Variants in KAZN observed in about 807,000 individuals in gnomAD.
KAZN encodes the protein kazrin, periplakin interacting protein.
KAZN carries 40 observed loss-of-function variants against 87.4 expected under a neutral mutation model. The observed-to-expected ratio is 0.46, with a 90% CI of 0.36 to 0.60. The LOEUF (loss-of-function observed/expected upper bound fraction) is 0.60. KAZN is among the 20% of genes least tolerant of loss of function. KAZN has a pLI of 0.00. For missense variants in KAZN, 898 were observed against 1,073.9 expected, an observed-to-expected ratio of 0.84 and a Z score of 2.29; for synonymous variants, 466 against 458.3, an observed-to-expected ratio of 1.02 and a Z score of -0.22.
intron 1 of KAZN, among the ~76,000 whole-genome samples, chr1:14,163,753 C>T (rs571298145): frequency 7.5e-4 from 115 of 152,340 alleles, no homozygotes; most frequent in African/African-American, 2.4e-3. Flanking sequence ...CTGCCCTGCA[C>T]GTGTCTGCCT....
intron 2 of KAZN, among the ~76,000 whole-genome samples, chr1:14,367,309 G>A (rs142575257): frequency 1.9e-3 from 283 of 152,168 alleles, no homozygotes; most frequent in Non-Finnish European, 3.4e-3. Flanking sequence ...CCTGAAGTCC[G>A]GCTACCTGCA....
At chr1:14,278,258 A>G (rs1303551014) in intron 2 of KAZN, among the ~76,000 whole-genome samples, 1 of 150,454 alleles carries the variant, frequency 6.6e-6, no homozygotes, top group Non-Finnish European at 1.5e-5. Flanking sequence ...ACATAACAGT[A>G]TCTTTATCAC....
intron 2 of KAZN, among the ~76,000 whole-genome samples, chr1:14,543,160 T>C (rs1672921353): frequency 1.3e-5 from 2 of 152,244 alleles, no homozygotes; most frequent in Admixed American, 6.5e-5. Flanking sequence ...TGTGTCATAA[T>C]GTACTTTAAA....
At chr1:14,004,128 G>A (rs1352296334) in intron 1 of KAZN, among the ~76,000 whole-genome samples, 8 of 151,054 alleles carry the variant, frequency 5.3e-5, no homozygotes, top group South Asian at 2.1e-4. Flanking sequence ...AATGTCCAAC[G>A]TCATTAGAAA....
chr1:14,101,333 A>C (rs538971758), intron 1 of KAZN, among the ~76,000 whole-genome samples: 164 of 152,342 alleles, frequency 1.1e-3, no homozygotes, highest in Non-Finnish European at 1.8e-3. Flanking sequence ...GAATAACACC[A>C]TTCATCTCTT....
At chr1:14,425,427 C>T (rs1162191712) in intron 2 of KAZN, among the ~76,000 whole-genome samples, 3 of 152,194 alleles carry the variant, frequency 2.0e-5, no homozygotes. Context: ...CATGGAATCT[C>T]ATCCTGCAGA....
chr1:14,384,550 C>T (rs1421099130), intron 2 of KAZN, among the ~76,000 whole-genome samples: 1 of 152,038 alleles, frequency 6.6e-6, no homozygotes, highest in Non-Finnish European at 1.5e-5. Flanking sequence ...TGTCAAGGGC[C>T]TTTTCTGCCT....
rs1639245710 is a variant in KAZN at position 15,066,607 on chromosome 1, A to C, written c.1222+854A>C. The C allele has an allele frequency of 2.0e-6, 2 of 983,324 alleles. No homozygotes were observed. The highest frequency in any genetic ancestry group is 2.4e-6 in the Non-Finnish European group (2 of 828,118). 60.9% of individuals were successfully genotyped at this position (983,324 alleles called of 1,614,324 possible). ...TTGTTTCATTTAATTTATTTGCACA[A>C]ATGCTGAAAACTTATTCTATCTAAA... On this transcript the variant is annotated intron_variant, in intron 8 of 14. Transcript: ENST00000376030. This position sits in a 1 kb window ranked among gnomAD's most constrained non-coding sequence, Gnocchi z 4.3.
chr1:14,765,693 G>T (rs900248663), intron 1 of KAZN, among the ~76,000 whole-genome samples: 1 of 152,208 alleles, frequency 6.6e-6, no homozygotes, highest in Admixed American at 6.5e-5. Context: ...GCAGCTCAGA[G>T]AGTGCCTCAG....
Position 14,957,389 on chromosome 1 carries a change from G to A in KAZN, c.227-3295G>A, listed in dbSNP as rs958544335. Among the ~76,000 whole-genome samples the A allele has an allele frequency of 3.3e-5, 5 of 152,346 alleles. No individual in the cohort carries two copies. The South Asian group carries it at 1.0e-3, about 32-fold the overall frequency. On this transcript the variant is annotated intron_variant, in intron 1 of 14. Transcript: ENST00000376030. ...GGCCTCTCCATGTTGGGTGGATGGA[G>A]CCATTCGACAGACGTTACCGAGTGC...
chr1:14,883,318 AAGAGAG>A lies in KAZN; in HGVS notation c.227-77346_227-77341del, dbSNP rs1219653139. ...CTCAAAAGAAAGAAAGAAAGAAAGA[AAGAGAG>A]AGAGAGAGAGAGAGAGAGAAAGAAA... is the stretch of plus-strand genomic sequence containing the variant. On this transcript the variant is annotated intron_variant, in intron 1 of 14. Coordinates refer to ENST00000376030, the MANE Select transcript of KAZN (RefSeq NM_201628.3). 7.8e-5 allele frequency among the ~76,000 whole-genome samples: 3 copies of A among 38,592 alleles called. 1 individual carries two copies. Among genetic ancestry groups the A allele is most frequent in the African/African-American group, 1.5e-4 (2 of 13,050 alleles). The allele number at this position is 38,592 out of a possible 152,430, so 25.3% of individuals were successfully genotyped here.
chr1:15,054,555 G>A (rs1312017038), intron 4 of KAZN, among the ~76,000 whole-genome samples: 1 of 151,964 alleles, frequency 6.6e-6, no homozygotes, highest in East Asian at 1.9e-4. Context: ...AGGAGACTGA[G>A]GCAGGAGAAT....
intron 2 of KAZN, among the ~76,000 whole-genome samples, chr1:14,452,328 T>TTC (rs1303648093): frequency 6.6e-6 from 1 of 152,192 alleles, no homozygotes; most frequent in Admixed American, 6.5e-5. Context: ...CCATTTTCTT[T>TTC]TCTGTTTGAA....
intron 3 of KAZN, among the ~76,000 whole-genome samples, chr1:15,039,037 T>G (rs12129200): frequency 0.23 from 27,079 of 118,798 alleles, 3,452 homozygotes; most frequent in Non-Finnish European, 0.25. Context: ...TTATTGTGCA[T>G]CTACTGTATA....
chr1:14,672,411 A>G (rs1174919054), intron 1 of KAZN, among the ~76,000 whole-genome samples: 1 of 152,218 alleles, frequency 6.6e-6, no homozygotes, highest in African/African-American at 2.4e-5. Flanking sequence ...GTCTTTGAAC[A>G]TGATGTGGCC....
intron 1 of KAZN, chr1:14,692,016 A>G (rs984175447): frequency 9.5e-6 from 2 of 210,028 alleles, no homozygotes; most frequent in Non-Finnish European, 2.0e-5. Flanking sequence ...AAACAATCAC[A>G]TTCTTATACT....
intron 1 of KAZN, among the ~76,000 whole-genome samples, chr1:14,827,827 C>G (rs1315185860): frequency 2.0e-5 from 3 of 152,326 alleles, no homozygotes; most frequent in Non-Finnish European, 4.4e-5. Context: ...ACTCAAGGAT[C>G]CCCTGGCTAA....
At position 15,103,427 on chromosome 1, in the gene KAZN, G is replaced by A. The variant is rs1253604817; in HGVS notation, c.1848G>A (p.Arg616=). ...ACCCCGTGGTGTGGACCAACCAGCGGGTGCTCAAGTGGGTTCGAGACATCG... is the reference window on the plus strand; with the variant it reads ...ACCCCGTGGTGTGGACCAACCAGCGAGTGCTCAAGTGGGTTCGAGACATCG... ...NIDPVVWTNQ[R]VLKWVRDIDL... The change falls in exon 12 of 15, where the codon CGG becomes CGA. Residue 616 remains arginine (R), a synonymous_variant. Coordinates refer to ENST00000376030, the MANE Select transcript of KAZN (RefSeq NM_201628.3). The A allele has an allele frequency of 1.8e-5, 28 of 1,551,602 alleles. No homozygotes were observed. The highest frequency in any genetic ancestry group is 2.3e-5 in the Non-Finnish European group (26 of 1,147,538).
intron 1 of KAZN, among the ~76,000 whole-genome samples, chr1:13,990,782 G>A (rs1329130273): frequency 6.6e-6 from 1 of 152,178 alleles, no homozygotes; most frequent in Non-Finnish European, 1.5e-5. Context: ...ATGACTAAAT[G>A]AAATGAATGG....
Sources: gnomAD v4.1 joint callset for allele counts (sites outside exome capture counted in the v4.1 genomes callset) on GRCh38, gnomAD v4.1.1 for gene constraint, Gnocchi (gnomAD v3.1) non-coding constraint, MANE v1.5 for transcripts, NCBI Gene and HGNC (gene_info 2026-07-23, HGNC 2026-07-21) for gene names.